B3GALT1: variants seen among roughly 807,000 people sequenced by gnomAD.
B3GALT1 encodes the protein beta-1,3-galactosyltransferase 1.
In B3GALT1, 10 loss-of-function variants were observed where a neutral mutation model predicts 23.2. That is an observed-to-expected ratio of 0.43 (90% CI 0.27 to 0.73). The LOEUF (loss-of-function observed/expected upper bound fraction) is 0.73, where lower values mean the gene tolerates loss of function less well. B3GALT1 is among the 30% of genes least tolerant of loss of function. The pLI is 0.21. For synonymous variants in B3GALT1, 156 were observed against 141.5 expected, an observed-to-expected ratio of 1.10 and a Z score of -0.73; for missense variants, 299 against 405.4, an observed-to-expected ratio of 0.74 and a Z score of 2.25.
intron 2 of B3GALT1, among the ~76,000 whole-genome samples, chr2:167,636,127 A>T (rs1685549255): frequency 6.6e-6 from 1 of 151,958 alleles, no homozygotes; most frequent in Non-Finnish European, 1.5e-5. Context: ...AACTGAACTA[A>T]GTAATGAGCA....
intron 2 of B3GALT1, among the ~76,000 whole-genome samples, chr2:167,617,443 C>T (rs2105436663): frequency 6.6e-6 from 1 of 152,086 alleles, no homozygotes; most frequent in Admixed American, 6.6e-5. Flanking sequence ...GGAGAGAATT[C>T]ACCCTCATTG....
At chr2:167,444,845 T>G (rs1488923433) in intron 1 of B3GALT1, among the ~76,000 whole-genome samples, 2 of 148,660 alleles carry the variant, frequency 1.3e-5, no homozygotes, top group African/African-American at 5.2e-5. Flanking sequence ...TTTTGAAGAG[T>G]TTTTTGTGTC....
intron 4 of B3GALT1, among the ~76,000 whole-genome samples, chr2:167,847,026 G>A (rs750157491): frequency 6.6e-6 from 1 of 152,062 alleles, no homozygotes. Flanking sequence ...ACTATATAAG[G>A]GTAAAAGCCT....
At chr2:167,766,517 G>C (rs1213664782) in intron 3 of B3GALT1, among the ~76,000 whole-genome samples, 1 of 152,098 alleles carries the variant, frequency 6.6e-6, no homozygotes, top group Non-Finnish European at 1.5e-5. Context: ...CACGCCTAAA[G>C]AACTGAGGGT....
rs1372162932 is a variant in B3GALT1, at chr2:167,807,603, G to T, written c.-351-11069G>T. 2.0e-5 allele frequency among the ~76,000 whole-genome samples: 3 copies of T among 152,004 alleles called. No individual in the cohort carries two copies. The South Asian group carries it at 6.2e-4, about 32-fold the overall frequency. ...TAGTCATTCTGGAGCAGGTTGTTCA[G>T]TTTCCATGTAGTTGAGCGGTTTTGA... is the stretch of plus-strand genomic sequence containing the variant. On this transcript the variant is annotated intron_variant, in intron 3 of 4. Transcript: ENST00000392690.
chr2:167,341,611 G>A (rs1697147560), intron 1 of B3GALT1, among the ~76,000 whole-genome samples: 1 of 151,354 alleles, frequency 6.6e-6, no homozygotes. Flanking sequence ...GCAGTGAGCC[G>A]AGATCACACC....
At chr2:167,376,848 T>C (rs1156883747) in intron 1 of B3GALT1, among the ~76,000 whole-genome samples, 2 of 152,140 alleles carry the variant, frequency 1.3e-5, no homozygotes. Context: ...CATTTAGTTT[T>C]GCTCTGATTT....
At chr2:167,445,791 C>T (rs918260734) in intron 1 of B3GALT1, among the ~76,000 whole-genome samples, 3 of 152,132 alleles carry the variant, frequency 2.0e-5, no homozygotes, top group Admixed American at 2.0e-4. Context: ...GAATACAGCA[C>T]ACTGATGGGT....
At chr2:167,451,226 T>TCA (rs1699086173) in intron 1 of B3GALT1, among the ~76,000 whole-genome samples, 1 of 152,150 alleles carries the variant, frequency 6.6e-6, no homozygotes, top group Admixed American at 6.5e-5. Flanking sequence ...TTTGGTTCCA[T>TCA]TGCTGGTGAG....
intron 2 of B3GALT1, among the ~76,000 whole-genome samples, chr2:167,568,680 TC>T (rs1478397099): frequency 1.3e-5 from 2 of 152,080 alleles, no homozygotes; most frequent in African/African-American, 4.8e-5. Flanking sequence ...CTGTGACTTG[TC>T]TTCTCATTCT....
At chr2:167,361,519 G>A (rs1559075225) in intron 1 of B3GALT1, among the ~76,000 whole-genome samples, 1 of 152,320 alleles carries the variant, frequency 6.6e-6, no homozygotes, top group South Asian at 2.1e-4. Flanking sequence ...AAAGTCAGGT[G>A]TTAATCAGAG....
At chr2:167,350,384 AATTG>A (rs1395479336) in intron 1 of B3GALT1, among the ~76,000 whole-genome samples, 2 of 152,224 alleles carry the variant, frequency 1.3e-5, no homozygotes, top group African/African-American at 2.4e-5. Context: ...CAAATATTAC[AATTG>A]ATTATAATGC....
intron 3 of B3GALT1, among the ~76,000 whole-genome samples, chr2:167,653,531 C>T (rs920692610): frequency 2.0e-5 from 3 of 152,160 alleles, no homozygotes; most frequent in Non-Finnish European, 4.4e-5. Context: ...GCAGCAATAT[C>T]TCTCTGGAAT....
At chr2:167,660,597 G>C (rs1686042975) in intron 3 of B3GALT1, among the ~76,000 whole-genome samples, 1 of 152,114 alleles carries the variant, frequency 6.6e-6, no homozygotes, top group African/African-American at 2.4e-5. Flanking sequence ...ATTAGTATCT[G>C]TGAGGAATCT....
intron 1 of B3GALT1, among the ~76,000 whole-genome samples, chr2:167,313,560 A>G (rs1696664927): frequency 1.3e-5 from 2 of 152,138 alleles, no homozygotes. Flanking sequence ...CTAAGAGGTC[A>G]GATAAAGTGT....
chr2:167,601,066 T>A (rs1285147833), intron 2 of B3GALT1, among the ~76,000 whole-genome samples: 1 of 152,126 alleles, frequency 6.6e-6, no homozygotes, highest in Non-Finnish European at 1.5e-5. Context: ...TTTGTTTGTT[T>A]GTTTGTTTGT....
At chr2:167,646,371 T>C (rs1685748606) in intron 2 of B3GALT1, among the ~76,000 whole-genome samples, 1 of 152,188 alleles carries the variant, frequency 6.6e-6, no homozygotes, top group Non-Finnish European at 1.5e-5. Context: ...CAGAAAGCAG[T>C]TCTTTCCTTG....
intron 2 of B3GALT1, among the ~76,000 whole-genome samples, chr2:167,644,493 A>C (rs1390607674): frequency 1.3e-5 from 2 of 152,092 alleles, no homozygotes; most frequent in African/African-American, 2.4e-5. Flanking sequence ...CTTAAAAAAC[A>C]TTTTACGCAG....
chr2:167,445,191 A>G (rs1698960574), intron 1 of B3GALT1, among the ~76,000 whole-genome samples: 2 of 152,214 alleles, frequency 1.3e-5, no homozygotes, highest in Admixed American at 1.3e-4. Context: ...GAGTTTCTCA[A>G]TCCTGAGTTC....
Sources: allele counts gnomAD v4.1 joint callset (sites outside exome capture counted in the v4.1 genomes callset), GRCh38; gene constraint gnomAD v4.1.1; transcripts MANE v1.5; gene names NCBI Gene and HGNC (gene_info 2026-07-23, HGNC 2026-07-21).